Variants in SDK1 observed in about 807,000 individuals in gnomAD.
The protein encoded by SDK1 is sidekick cell adhesion molecule 1.
A neutral mutation model predicts 245.5 loss-of-function variants in SDK1; 157 were observed. The ratio of observed to expected loss-of-function variants is 0.64; its 90% CI spans 0.56 to 0.73. The LOEUF (loss-of-function observed/expected upper bound fraction) is 0.73, where lower values mean the gene tolerates loss of function less well. Ranked by LOEUF, SDK1 falls within the 30% of genes least tolerant of loss-of-function variation. The pLI, the probability that SDK1 is intolerant of heterozygous loss-of-function variation, is 0.00. For missense variants in SDK1, 3,583 were observed against 3,002.3 expected, an observed-to-expected ratio of 1.19 and a Z score of -4.52; for synonymous variants, 1,647 against 1,278.5, an observed-to-expected ratio of 1.29 and a Z score of -6.15.
At chr7:3,424,908 A>G (rs1779634399) in intron 1 of SDK1, among the ~76,000 whole-genome samples, 1 of 152,088 alleles carries the variant, frequency 6.6e-6, no homozygotes. Flanking sequence ...AAAAACAAAT[A>G]TTTTTCATCC....
At chr7:3,657,484 G>C (rs1378239275) in intron 4 of SDK1, among the ~76,000 whole-genome samples, 2 of 152,176 alleles carry the variant, frequency 1.3e-5, no homozygotes, top group East Asian at 1.9e-4. Context: ...TGTGGAGGCA[G>C]GGTGGTGTGG....
chr7:3,388,388 T>A (rs1156559843), intron 1 of SDK1, among the ~76,000 whole-genome samples: 1 of 150,418 alleles, frequency 6.6e-6, no homozygotes, highest in Non-Finnish European at 1.5e-5. Flanking sequence ...TGATTGAAGA[T>A]TAAAAAAAAA....
At chr7:3,544,674 C>T (rs975434190) in intron 1 of SDK1, among the ~76,000 whole-genome samples, 3 of 152,216 alleles carry the variant, frequency 2.0e-5, no homozygotes, top group African/African-American at 7.2e-5. Context: ...TGATCGCATT[C>T]TGAAAACATC....
At chr7:3,514,960 A>T (rs775111534) in intron 1 of SDK1, among the ~76,000 whole-genome samples, 3 of 152,218 alleles carry the variant, frequency 2.0e-5, no homozygotes, top group Non-Finnish European at 4.4e-5. Context: ...AATCAGAACA[A>T]TAATCACTTG....
Position 3,682,138 on chromosome 7 carries a change from C to T in SDK1, c.713+40033C>T, listed in dbSNP as rs547257343. Among the ~76,000 whole-genome samples, 8 of 152,290 alleles carry T rather than the reference C, an allele frequency of 5.3e-5. No individual in the cohort carries two copies. The South Asian group carries it at 1.7e-3, about 32-fold the overall frequency. ...TATGATGCTAAAAATTACACATCAG[C>T]ATTTACAAAAATGGTTTACCTCTCT... On this transcript the variant is annotated intron_variant, in intron 4 of 44. Coordinates refer to ENST00000404826, the MANE Select transcript of SDK1 (RefSeq NM_152744.4).
At chr7:3,909,914 TG>T (rs1441366875) in intron 5 of SDK1, among the ~76,000 whole-genome samples, 1 of 151,824 alleles carries the variant, frequency 6.6e-6, no homozygotes, top group Non-Finnish European at 1.5e-5. Context: ...GGGATTATTA[TG>T]CATCTACACC....
chr7:3,389,181 C>T (rs1370228915), intron 1 of SDK1, among the ~76,000 whole-genome samples: 2 of 151,968 alleles, frequency 1.3e-5, no homozygotes, highest in Non-Finnish European at 2.9e-5. Context: ...ATAATGTTAC[C>T]CCAATGATGT....
chr7:3,332,617 C>G (rs4327753), intron 1 of SDK1, among the ~76,000 whole-genome samples: 69,774 of 151,978 alleles, frequency 0.46, 16,056 homozygotes, highest in East Asian at 0.55. Flanking sequence ...TAGAATTACT[C>G]TGTTTCTAGG....
intron 1 of SDK1, among the ~76,000 whole-genome samples, chr7:3,409,042 A>G (rs1006425310): frequency 2.0e-5 from 3 of 152,242 alleles, no homozygotes; most frequent in Non-Finnish European, 2.9e-5. Flanking sequence ...AAAATGAAAC[A>G]TAAGAATGGC....
Position 4,145,797 on chromosome 7 carries a change from G to A in SDK1, c.4304G>A (p.Arg1435Lys). The change falls in exon 29 of 45, where the codon AGG becomes AAG. Residue 1435 changes from arginine (R) to lysine (K), a missense_variant. Physicochemically the swap from Arg to Lys is conservative, Grantham distance 26. Coordinates refer to ENST00000404826, the MANE Select transcript of SDK1 (RefSeq NM_152744.4). ...ACCGTGGAGGTCGGCGCCACAGTGA[G>A]GCAGTTCACAGCCACCGACCTGGCC... Reference protein sequence around the residue: ...FTTVEVGATVRQFTATDLAPE... With the variant: ...FTTVEVGATVKQFTATDLAPE... 1 of 1,613,906 alleles carries A rather than the reference G, an allele frequency of 6.2e-7. No homozygotes were observed. The highest frequency in any genetic ancestry group is 8.5e-7 in the Non-Finnish European group (1 of 1,179,952).
At chr7:3,755,495 A>T (rs1372457671) in intron 4 of SDK1, among the ~76,000 whole-genome samples, 1 of 152,108 alleles carries the variant, frequency 6.6e-6, no homozygotes, top group African/African-American at 2.4e-5. Context: ...GATAAACTTG[A>T]GTGGGAAGTC....
intron 4 of SDK1, among the ~76,000 whole-genome samples, chr7:3,747,856 CAG>C (rs1441793044): frequency 6.6e-6 from 1 of 151,878 alleles, no homozygotes; most frequent in African/African-American, 2.4e-5. Flanking sequence ...GAGGCTGGAG[CAG>C]AGAGAGGACA....
chr7:3,806,976 A>G (rs945758114), intron 4 of SDK1, among the ~76,000 whole-genome samples: 1 of 152,158 alleles, frequency 6.6e-6, no homozygotes. Flanking sequence ...GACTTTCTCA[A>G]AACGGCCCTT....
intron 4 of SDK1, among the ~76,000 whole-genome samples, chr7:3,748,307 G>A (rs757534621): frequency 7.9e-5 from 12 of 151,866 alleles, no homozygotes; most frequent in Admixed American, 1.3e-4. Context: ...TTTATTTCCC[G>A]GATTCTCTAA....
At chr7:3,401,691 T>TA (rs1778891409) in intron 1 of SDK1, among the ~76,000 whole-genome samples, 3 of 148,642 alleles carry the variant, frequency 2.0e-5, no homozygotes, top group South Asian at 4.2e-4. Flanking sequence ...TGAGCCTTAT[T>TA]TTTTTTTTTT....
At chr7:3,446,780 G>C (rs1780355203) in intron 1 of SDK1, among the ~76,000 whole-genome samples, 1 of 152,038 alleles carries the variant, frequency 6.6e-6, no homozygotes, top group African/African-American at 2.4e-5. Flanking sequence ...TAATATCCAG[G>C]GTATTGTTTT....
chr7:3,633,443 G>C (rs1782361140), intron 2 of SDK1, among the ~76,000 whole-genome samples: 1 of 152,060 alleles, frequency 6.6e-6, no homozygotes, highest in African/African-American at 2.4e-5. Context: ...CTGCTGAACA[G>C]TATTCTAAAA....
chr7:3,853,528 T>A (rs1780468970), intron 5 of SDK1, among the ~76,000 whole-genome samples: 1 of 152,198 alleles, frequency 6.6e-6, no homozygotes. Flanking sequence ...TGTATATCCC[T>A]TATTCAAAAT....
intron 38 of SDK1, 35 bp from the exon 39 acceptor site, chr7:4,220,074 A>T: frequency 6.2e-7 from 1 of 1,602,494 alleles, no homozygotes; most frequent in Non-Finnish European, 8.5e-7. Context: ...CTCCAGGCTG[A>T]ACCCCCTTGT....
Sources: gnomAD v4.1 joint callset for allele counts (sites outside exome capture counted in the v4.1 genomes callset) on GRCh38, gnomAD v4.1.1 for gene constraint, MANE v1.5 for transcripts, NCBI Gene and HGNC (gene_info 2026-07-23, HGNC 2026-07-21) for gene names.